The following SYBU variants were observed in gnomAD, a reference collection of about 807,000 sequenced individuals.
SYBU encodes GOLSYN A protein.
A neutral mutation model predicts 35.9 loss-of-function variants in SYBU; 21 were observed. That is an observed-to-expected ratio of 0.58 (90% confidence interval 0.41 to 0.84). The LOEUF (loss-of-function observed/expected upper bound fraction) is 0.84, where lower values mean the gene tolerates loss of function less well. Among genes scored for constraint, SYBU ranks in the 40% least tolerant of loss-of-function variants. The probability of loss-of-function intolerance (pLI) is 0.00; values close to 1 mark genes in which losing one functional copy is unlikely to be tolerated. For missense variants in SYBU, 768 were observed against 848.2 expected (o/e 0.91, Z 1.17); for synonymous variants, 319 against 324.3 (o/e 0.98, Z 0.18).
chr8:109,597,126 T>G (rs1824971770), intron 3 of SYBU, among the ~76,000 whole-genome samples: 1 of 152,148 alleles, frequency 6.6e-6, no homozygotes, highest in Non-Finnish European at 1.5e-5. Context: ...TGAGTTTGGC[T>G]TAGGTCACTT....
intron 1 of SYBU, among the ~76,000 whole-genome samples, chr8:109,689,558 C>T (rs938698102): frequency 2.0e-5 from 3 of 152,124 alleles, no homozygotes; most frequent in Admixed American, 6.5e-5. Flanking sequence ...TCTCAAACTA[C>T]TGGACTCAAG....
rs184961442 is a variant in SYBU at position 109,629,278 on chromosome 8, T to C, written c.230-10239A>G. Among the ~76,000 whole-genome samples the C allele has an allele frequency of 2.0e-5, 3 of 152,346 alleles. No individual in the cohort carries two copies. The East Asian group carries it at 5.8e-4, about 29-fold the overall frequency. On this transcript the variant is annotated intron_variant, in intron 2 of 6. Transcript: ENST00000276646. Reference sequence around the variant, plus strand: ...AGAACAGACCAAATCAGTGATAATATATCTAGCTAATATTTACTGAGTGCC... The same window carrying C: ...AGAACAGACCAAATCAGTGATAATACATCTAGCTAATATTTACTGAGTGCC...
In SYBU at chr8:109,577,669, C is replaced by T. The variant is rs559429772; in HGVS notation, c.884+199G>A. Among the ~76,000 whole-genome samples the T allele has an allele frequency of 9.2e-5, 14 of 152,306 alleles. No individual in the cohort carries two copies. In the South Asian group the frequency reaches 2.3e-3, roughly 25 times the overall value. ...AAAACAAAGGTTCCCCTCTAACCTA[C>T]GGGCCTCCCTGAACTCCTGAAACAG... On this transcript the variant is annotated intron_variant, in intron 6 of 6. Transcript: ENST00000276646.
At chr8:109,653,385 C>T (rs1251375563) in intron 1 of SYBU, among the ~76,000 whole-genome samples, 1 of 152,132 alleles carries the variant, frequency 6.6e-6, no homozygotes. Context: ...TATCTCCCAT[C>T]TTCCCCTGCC....
chr8:109,594,796 G>A (rs1824678368), intron 3 of SYBU, among the ~76,000 whole-genome samples: 1 of 152,122 alleles, frequency 6.6e-6, no homozygotes, highest in African/African-American at 2.4e-5. Flanking sequence ...ACTCAACCAT[G>A]CTCCCCTTCC....
In SYBU at chr8:109,574,782, T is replaced by G; in HGVS notation, c.*124A>C. ...GTGAACAGGCTTCAACTAAATATAG[T>G]GCAAATCAAATACCAAGGAGCAAAA... On this transcript the variant is annotated 3_prime_UTR_variant, in exon 7 of 7. Transcript: ENST00000276646. 1 of 1,106,536 alleles carries G rather than the reference T, an allele frequency of 9.0e-7. No individual in the cohort carries two copies. 68.5% of individuals were successfully genotyped at this position (1,106,536 alleles called of 1,614,324 possible).
intron 4 of SYBU, among the ~76,000 whole-genome samples, chr8:109,583,318 G>A (rs28585635): frequency 0.016 from 2,487 of 152,192 alleles, 44 homozygotes; most frequent in Middle Eastern, 0.044. Flanking sequence ...AATAATGGAG[G>A]CTAACCTCAA....
chr8:109,629,921 T>C (rs1048538803), intron 2 of SYBU, among the ~76,000 whole-genome samples: 1 of 152,084 alleles, frequency 6.6e-6, no homozygotes, highest in African/African-American at 2.4e-5. Flanking sequence ...TTTCATGTGT[T>C]TTTTGGCTGC....
intron 1 of SYBU, among the ~76,000 whole-genome samples, chr8:109,677,168 C>T (rs1817222727): frequency 6.6e-6 from 1 of 151,372 alleles, no homozygotes; most frequent in Non-Finnish European, 1.5e-5. Context: ...GAACTTGTGC[C>T]AATAAGTGAC....
chr8:109,578,379 C>T (rs546892599), intron 5 of SYBU, among the ~76,000 whole-genome samples: 1 of 152,280 alleles, frequency 6.6e-6, no homozygotes, highest in Non-Finnish European at 1.5e-5. Context: ...AGTATGTAGC[C>T]CATGGTTCTC....
intron 3 of SYBU, among the ~76,000 whole-genome samples, chr8:109,614,990 G>A (rs990769942): frequency 3.9e-5 from 6 of 152,274 alleles, no homozygotes; most frequent in African/African-American, 1.4e-4. Context: ...GCCCTTCCCC[G>A]AGGTCCTGTG....
chr8:109,651,050 T>C (rs1439823293), intron 1 of SYBU, among the ~76,000 whole-genome samples: 5 of 152,226 alleles, frequency 3.3e-5, no homozygotes, highest in African/African-American at 1.2e-4. Context: ...TTTCTCAGAT[T>C]ATCAGGGACT....
chr8:109,665,899 A>G (rs928038183), intron 1 of SYBU, among the ~76,000 whole-genome samples: 1 of 152,240 alleles, frequency 6.6e-6, no homozygotes. Flanking sequence ...AATACAAAGC[A>G]GTTTTATTCA....
intron 1 of SYBU, among the ~76,000 whole-genome samples, chr8:109,687,310 A>T (rs967443992): frequency 5.9e-5 from 9 of 152,222 alleles, no homozygotes; most frequent in Admixed American, 5.9e-4. Flanking sequence ...AAAAGGAAAA[A>T]ATAAAACTTG....
chr8:109,646,759 T>C (rs950837343), upstream of SYBU: 8 of 152,196 alleles, frequency 5.3e-5, no homozygotes, highest in Non-Finnish European at 1.2e-4. Flanking sequence ...CTCCACTGAG[T>C]TAGCCAAGTC....
intron 1 of SYBU, among the ~76,000 whole-genome samples, chr8:109,655,067 C>G (rs1170662866): frequency 2.6e-5 from 4 of 152,184 alleles, no homozygotes; most frequent in Non-Finnish European, 4.4e-5. Flanking sequence ...TCAATGCTCA[C>G]TACCAGTCTC....
intron 1 of SYBU, among the ~76,000 whole-genome samples, chr8:109,652,927 G>T (rs890456796): frequency 1.3e-5 from 2 of 152,156 alleles, no homozygotes; most frequent in Non-Finnish European, 1.5e-5. Flanking sequence ...TACATGCGTG[G>T]TTCTACTTCA....
chr8:109,659,384 A>G lies in SYBU; in HGVS notation c.-129+21327T>C, dbSNP rs80306897. 3.6e-3 allele frequency among the ~76,000 whole-genome samples: 544 copies of G among 152,316 alleles called. 5 individuals carry two copies. Among genetic ancestry groups the G allele is most frequent in the Middle Eastern group, 0.01 (3 of 294 alleles). ...TGGCCTCAGCACCTACAAAACTTCT[A>G]TTCATGATGATCAAATTGAAGTTCT... On this transcript the variant is annotated intron_variant, in intron 1 of 5. Coordinates refer to the SYBU transcript ENST00000408889.
chr8:109,614,791 C>G (rs902300116), intron 3 of SYBU, among the ~76,000 whole-genome samples: 1 of 152,224 alleles, frequency 6.6e-6, no homozygotes, highest in Non-Finnish European at 1.5e-5. Context: ...TTTTCTTTTG[C>G]TCCTTGGTGG....
Sources: allele counts gnomAD v4.1 joint callset (sites outside exome capture counted in the v4.1 genomes callset), GRCh38; gene constraint gnomAD v4.1.1; transcripts MANE v1.5; gene names NCBI Gene and HGNC (gene_info 2026-07-23, HGNC 2026-07-21).